The following ARAP2 variants were observed in gnomAD, a reference collection of about 807,000 sequenced individuals.
ARAP2 encodes the protein ArfGAP with RhoGAP domain, ankyrin repeat and PH domain 2.
In ARAP2, 148 loss-of-function variants were observed where a neutral mutation model predicts 194.5. The observed-to-expected ratio is 0.76, with a 90% CI of 0.67 to 0.87. The LOEUF is 0.87. Among genes scored for constraint, ARAP2 ranks in the 40% least tolerant of loss-of-function variants. The probability of loss-of-function intolerance (pLI) is 0.00; values close to 1 mark genes in which losing one functional copy is unlikely to be tolerated. For missense variants in ARAP2, 2,128 were observed against 1,989.7 expected (o/e 1.07, Z -1.32); for synonymous variants, 695 against 683.5 (o/e 1.02, Z -0.26).
chr4:36,233,600 C>T (rs949016034), intron 1 of ARAP2, among the ~76,000 whole-genome samples: 1 of 152,202 alleles, frequency 6.6e-6, no homozygotes, highest in Non-Finnish European at 1.5e-5. Flanking sequence ...CCCACCTCCT[C>T]CACTTTCTAG....
At chr4:36,212,370 AATC>A in intron 5 of ARAP2, 23 bp downstream of exon 5, 1 of 1,528,642 alleles carries the variant, frequency 6.5e-7, no homozygotes, top group Non-Finnish European at 9.0e-7. Context: ...CTAAATAGTT[AATC>A]ATCATCAATC....
At chr4:36,187,040 A>G (rs996140409) in intron 8 of ARAP2, among the ~76,000 whole-genome samples, 2 of 152,244 alleles carry the variant, frequency 1.3e-5, no homozygotes, top group African/African-American at 4.8e-5. Context: ...GGTGCAAAAA[A>G]GGTTGGGAAC....
intron 30 of ARAP2, 45 bp from the exon 31 acceptor site, chr4:36,080,324 G>T: frequency 6.7e-7 from 1 of 1,499,672 alleles, no homozygotes; most frequent in Non-Finnish European, 9.3e-7. Context: ...AAAGACAATT[G>T]ACTGTTCTCT....
rs540667062 is a variant in ARAP2 at position 36,197,979 on chromosome 4, T to C, written c.1488-4332A>G. Among the ~76,000 whole-genome samples, 48 of 152,216 alleles carry C rather than the reference T, an allele frequency of 3.2e-4. 1 individual carries two copies. Among genetic ancestry groups the C allele is most frequent in the Admixed American group, 4.6e-4 (7 of 15,294 alleles). On this transcript the variant is annotated intron_variant, in intron 6 of 32. Coordinates refer to ENST00000303965, the MANE Select transcript of ARAP2 (RefSeq NM_015230.4). The stretch of plus-strand genomic sequence containing the variant: ...CTCCTTGTTTTCACCCATAACATGA[T>C]GAGAAGGCGAAGTGTTTCAGCCCTG...
intron 9 of ARAP2, among the ~76,000 whole-genome samples, chr4:36,169,354 A>G (rs1736029115): frequency 6.6e-6 from 1 of 152,264 alleles, no homozygotes; most frequent in Non-Finnish European, 1.5e-5. Flanking sequence ...GCAGATGGTA[A>G]GAATGACAAC....
intron 8 of ARAP2, among the ~76,000 whole-genome samples, chr4:36,184,747 C>A (rs1441446349): frequency 6.6e-6 from 1 of 152,104 alleles, no homozygotes; most frequent in Non-Finnish European, 1.5e-5. Context: ...TTTGGAGAGT[C>A]CAAGAGAAAG....
intron 6 of ARAP2, among the ~76,000 whole-genome samples, chr4:36,204,620 G>A (rs1745122894): frequency 1.3e-5 from 2 of 152,212 alleles, no homozygotes; most frequent in South Asian, 2.1e-4. Flanking sequence ...GAAATTGATA[G>A]GTATATTTAT....
intron 5 of ARAP2, among the ~76,000 whole-genome samples, chr4:36,030,588 A>C (rs1043646361): frequency 6.6e-6 from 1 of 151,950 alleles, no homozygotes; most frequent in Non-Finnish European, 1.5e-5. Context: ...ATTCTCTCTG[A>C]CCCTTTTGAG....
intron 24 of ARAP2, 46 bp downstream of exon 24, chr4:36,119,604 T>C: frequency 7.3e-7 from 1 of 1,376,898 alleles, no homozygotes; most frequent in Non-Finnish European, 1.0e-6. Flanking sequence ...ACAATGGAAG[T>C]TTTTGTTTTG....
intron 2 of ARAP2, among the ~76,000 whole-genome samples, chr4:36,052,585 A>C (rs1414780173): frequency 6.6e-6 from 1 of 152,206 alleles, no homozygotes; most frequent in Non-Finnish European, 1.5e-5. Flanking sequence ...TCTTTCAAAC[A>C]CTTTATTATG....
chr4:36,158,690 G>C (rs1469751542), intron 15 of ARAP2, 40 bp downstream of exon 15: 5 of 1,509,994 alleles, frequency 3.3e-6, no homozygotes, highest in South Asian at 2.5e-5. Flanking sequence ...ATGGAATAAA[G>C]TTTTTATCTG....
At position 36,166,903 on chromosome 4, in the gene ARAP2, C is replaced by T. The variant is rs372606127; in HGVS notation, c.1973+29G>A. ...TCACCCAAGCTTTCCTATAGTAGTA[C>T]GAACACAAAATGTTTAAAAATAGCT... is the stretch of plus-strand genomic sequence containing the variant. On this transcript the variant is annotated intron_variant, in intron 10 of 32. Transcript: ENST00000303965. The T allele has an allele frequency of 3.4e-5, 48 of 1,430,340 alleles. No individual in the cohort carries two copies. In the African/African-American group the frequency reaches 4.6e-4, roughly 14 times the overall value. The allele number at this position is 1,430,340 out of a possible 1,614,324, so 88.6% of individuals were successfully genotyped here.
chr4:36,185,418 A>G (rs1355800405), intron 8 of ARAP2, among the ~76,000 whole-genome samples: 1 of 152,064 alleles, frequency 6.6e-6, no homozygotes, highest in African/African-American at 2.4e-5. Flanking sequence ...GACATCATAA[A>G]CCACTAAGTT....
intron 19 of ARAP2, among the ~76,000 whole-genome samples, chr4:36,137,626 G>A (rs1456684891): frequency 6.6e-6 from 1 of 151,610 alleles, no homozygotes; most frequent in Non-Finnish European, 1.5e-5. Context: ...CCAGAGAACT[G>A]GAAATATCTC....
intron 22 of ARAP2, among the ~76,000 whole-genome samples, chr4:36,122,974 A>T (rs1026650974): frequency 6.6e-6 from 1 of 151,836 alleles, no homozygotes; most frequent in African/African-American, 2.4e-5. Context: ...TAAACATGAT[A>T]GCAATACATA....
At chr4:36,064,850 GAA>G (rs1309677294), downstream of ARAP2, among the ~76,000 whole-genome samples, 3 of 152,206 alleles carry the variant, frequency 2.0e-5, no homozygotes, top group Non-Finnish European at 4.4e-5. Flanking sequence ...ATAAAGGAGA[GAA>G]AAGACATTGG....
At chr4:36,150,653 A>G (rs948741770) in intron 16 of ARAP2, among the ~76,000 whole-genome samples, 1 of 152,000 alleles carries the variant, frequency 6.6e-6, no homozygotes, top group Non-Finnish European at 1.5e-5. Context: ...AAAAAAAAAA[A>G]TTTACATAAG....
intron 2 of ARAP2, among the ~76,000 whole-genome samples, chr4:36,220,431 C>G (rs886534456): frequency 2.0e-5 from 3 of 152,072 alleles, no homozygotes; most frequent in Non-Finnish European, 2.9e-5. Flanking sequence ...CACTGCACTG[C>G]CAGTCATATA....
intron 26 of ARAP2, among the ~76,000 whole-genome samples, chr4:36,109,939 A>G (rs938547185): frequency 6.7e-6 from 1 of 148,864 alleles, no homozygotes; most frequent in African/African-American, 2.5e-5. Context: ...TGGAATAACA[A>G]TTATGTATCA....
Sources: allele counts gnomAD v4.1 joint callset (sites outside exome capture counted in the v4.1 genomes callset), GRCh38; gene constraint gnomAD v4.1.1; transcripts MANE v1.5; gene names NCBI Gene and HGNC (gene_info 2026-07-23, HGNC 2026-07-21).